Variants in LAMA1 observed in about 807,000 individuals in gnomAD.
LAMA1 encodes the protein laminin subunit alpha 1.
LAMA1 carries 219 observed loss-of-function variants against 348.7 expected under a neutral mutation model. That is an observed-to-expected ratio of 0.63 (90% CI 0.56 to 0.70). The LOEUF (loss-of-function observed/expected upper bound fraction) is 0.70. LAMA1 is among the 30% of genes least tolerant of loss of function. The probability of loss-of-function intolerance (pLI) is 0.00; values close to 1 mark genes in which losing one functional copy is unlikely to be tolerated. For missense variants in LAMA1, 3,744 were observed against 3,888.0 expected, an observed-to-expected ratio of 0.96 and a Z score of 0.99; for synonymous variants, 1,487 against 1,491.0, an observed-to-expected ratio of 1.00 and a Z score of 0.06.
In LAMA1 at chr18:7,000,001, G is replaced by T; in HGVS notation, c.4383-4C>A. 1 of 1,607,832 alleles carries T rather than the reference G, an allele frequency of 6.2e-7. No individual in the cohort carries two copies. Among genetic ancestry groups the T allele is most frequent in the South Asian group, 1.1e-5 (1 of 90,816 alleles). On this transcript the variant is annotated splice_polypyrimidine_tract_variant and splice_region_variant and intron_variant, in intron 30 of 62. Coordinates refer to ENST00000389658, the MANE Select transcript of LAMA1 (RefSeq NM_005559.4). ...CAAGACACAAGTGGGACTAAAACTG[G>T]AGGAAAAGAATTTCTTTTTGAATTT...
chr18:6,970,449 C>T (rs1367328834), intron 48 of LAMA1, among the ~76,000 whole-genome samples: 2 of 152,122 alleles, frequency 1.3e-5, no homozygotes, highest in Non-Finnish European at 2.9e-5. Flanking sequence ...GAACGATGAT[C>T]ATTTTTCTTT....
intron 45 of LAMA1, among the ~76,000 whole-genome samples, chr18:6,975,314 G>C (rs2057677054): frequency 6.6e-6 from 1 of 152,084 alleles, no homozygotes; most frequent in African/African-American, 2.4e-5. Flanking sequence ...TTCGCTGCAG[G>C]TCACAGGCAG....
chr18:6,947,783 T>C (rs1478343490), intron 60 of LAMA1, among the ~76,000 whole-genome samples: 2 of 152,122 alleles, frequency 1.3e-5, no homozygotes, highest in African/African-American at 4.8e-5. Flanking sequence ...ATTCAGGTGA[T>C]AAAAAAGCCG....
chr18:6,967,398 T>C (rs11874121), intron 48 of LAMA1, among the ~76,000 whole-genome samples: 4,725 of 152,308 alleles, frequency 0.031, 251 homozygotes, highest in African/African-American at 0.11. Context: ...CCACAGTGCA[T>C]GTGCCGGAGG....
intron 3 of LAMA1, among the ~76,000 whole-genome samples, chr18:7,071,592 C>T (rs55742704): frequency 6.6e-6 from 1 of 152,148 alleles, no homozygotes; most frequent in Non-Finnish European, 1.5e-5. Context: ...GCAAATGATG[C>T]GTAAGCCATA....
chr18:6,955,383 A>G lies in LAMA1; in HGVS notation c.8177T>C (p.Leu2726Ser). ...FGLTQNSHFI[L>S]PFNQSAVRKK... ...TCTGACAGCCGACTGATTAAAAGGC[A>G]AGATGAAATGGCTGTTTTGTGTGAG... is the stretch of plus-strand genomic sequence containing the variant. Residue 2726 changes from leucine (L) to serine (S), a missense_variant, in exon 57 of 63, where the codon TTG (leucine) becomes TCG (serine). By Grantham distance (145) the Leu-to-Ser change is moderately radical (BLOSUM62 -2). Around this residue, in one of 3 missense-constraint regions of LAMA1, gnomAD observed 1,983 missense variants for 1,934.3 expected, o/e 1.03. Transcript: ENST00000389658. 12 of 1,614,180 alleles carry G rather than the reference A, an allele frequency of 7.4e-6. No homozygotes were observed. Among genetic ancestry groups the G allele is most frequent in the Non-Finnish European group, 1.0e-5 (12 of 1,180,012 alleles).
Position 6,978,377 on chromosome 18 carries a change from A to G in LAMA1, c.6009T>C (p.Gly2003=), listed in dbSNP as rs2057692773. Residue 2003 remains glycine, a splice_region_variant and synonymous_variant, in exon 43 of 63, where the codon GGT becomes GGC. Coordinates refer to ENST00000389658, the MANE Select transcript of LAMA1 (RefSeq NM_005559.4). The part of the protein sequence containing the change: ...SLLILRAIPK[G]IRDKGAKTKE... ...TGGTTTTGGCTCCCTTGTCTCTTAT[A>G]CCTAAAATAAATGTATATAAAAGCA... The G allele has an allele frequency of 1.2e-6, 2 of 1,613,872 alleles. No homozygotes were observed. The highest frequency in any genetic ancestry group is 4.5e-5 in the East Asian group (2 of 44,884).
chr18:7,117,780 T>C lies in LAMA1; in HGVS notation c.-60A>G. The C allele has an allele frequency of 6.7e-7, 1 of 1,496,138 alleles. No homozygotes were observed. The highest frequency in any genetic ancestry group is 9.1e-7 in the Non-Finnish European group (1 of 1,104,768). The allele number at this position is 1,496,138 out of a possible 1,614,324, so 92.7% of individuals were successfully genotyped here. A position where few individuals can be genotyped will look rare whatever the true frequency, so the allele number is the denominator to read the frequency against. ...AAAGCCGCGCGCCCGCCTGGAACGC[T>C]CCACGGGACGCGAGTCCGCGCTGCC... On this transcript the variant is annotated 5_prime_UTR_variant, in exon 1 of 63. Transcript: ENST00000389658.
chr18:7,069,942 G>A (rs890812753), intron 3 of LAMA1, among the ~76,000 whole-genome samples: 19 of 152,140 alleles, frequency 1.2e-4, no homozygotes, highest in Non-Finnish European at 1.5e-5. Flanking sequence ...TAAAATGAAT[G>A]TTGCTGTTTT....
intron 1 of LAMA1, among the ~76,000 whole-genome samples, chr18:7,114,805 T>C (rs2058349378): frequency 6.6e-6 from 1 of 152,206 alleles, no homozygotes; most frequent in Non-Finnish European, 1.5e-5. Context: ...TATAAAATGG[T>C]AGGGCATTTC....
chr18:7,109,921 C>T (rs1207131348), intron 1 of LAMA1, among the ~76,000 whole-genome samples: 4 of 152,276 alleles, frequency 2.6e-5, no homozygotes, highest in African/African-American at 7.2e-5. Context: ...CGGTGGCTCA[C>T]GCCTGTAATC....
At chr18:7,013,726 A>G in intron 23 of LAMA1, 89 bp downstream of exon 23, 1 of 1,295,814 alleles carries the variant, frequency 7.7e-7, no homozygotes, top group Non-Finnish European at 1.1e-6. Flanking sequence ...AAGCATCCAA[A>G]ACCTGGCTGC....
chr18:7,015,013 A>AT (rs543869521), intron 22 of LAMA1, among the ~76,000 whole-genome samples: 3,811 of 151,654 alleles, frequency 0.025, 144 homozygotes, highest in African/African-American at 0.087. Flanking sequence ...CGCCCAGCTA[A>AT]TTTTTTTTGT....
intron 6 of LAMA1, 71 bp downstream of exon 6, chr18:7,046,205 AAG>A (rs2058041362): frequency 4.2e-6 from 4 of 963,490 alleles, no homozygotes; most frequent in Non-Finnish European, 6.7e-6. Flanking sequence ...TGGAATAAAA[AAG>A]AGTAATGCAA....
At chr18:7,111,583 G>A (rs2058336068) in intron 1 of LAMA1, among the ~76,000 whole-genome samples, 1 of 152,158 alleles carries the variant, frequency 6.6e-6, no homozygotes, top group Admixed American at 6.5e-5. Context: ...ATAGCTCCCT[G>A]ACAGACGTGT....
chr18:7,078,498 T>C (rs1280426311), intron 3 of LAMA1, among the ~76,000 whole-genome samples: 2 of 151,892 alleles, frequency 1.3e-5, no homozygotes, highest in African/African-American at 4.8e-5. Flanking sequence ...GATTTGAAAA[T>C]ATTAAGGAGT....
intron 19 of LAMA1, among the ~76,000 whole-genome samples, chr18:7,020,251 G>A (rs905715702): frequency 4.6e-5 from 7 of 152,170 alleles, no homozygotes; most frequent in South Asian, 2.1e-4. Context: ...GGCTGCAGCC[G>A]CTGCCCCACA....
At chr18:6,959,598 A>G in intron 53 of LAMA1, 106 bp from the exon 54 acceptor site, 1 of 1,156,620 alleles carries the variant, frequency 8.6e-7, no homozygotes, top group Middle Eastern at 2.0e-4. Context: ...TCAAGTGAGT[A>G]GAGCAATTCC....
At chr18:6,992,755 T>A (rs755329989) in intron 35 of LAMA1, 35 bp from the exon 36 acceptor site, 1 of 1,563,444 alleles carries the variant, frequency 6.4e-7, no homozygotes, top group Admixed American at 1.7e-5. Context: ...TTAATAAGCC[T>A]CTCAAAAGTG....
Sources: allele counts gnomAD v4.1 joint callset (sites outside exome capture counted in the v4.1 genomes callset), GRCh38; gene constraint gnomAD v4.1.1; regional missense constraint gnomAD v4.1.1; transcripts MANE v1.5; gene names NCBI Gene and HGNC (gene_info 2026-07-23, HGNC 2026-07-21).